CRYBA4: variants seen among roughly 807,000 people sequenced by gnomAD.
CRYBA4 encodes the protein beta-crystallin A4.
In CRYBA4, 30 loss-of-function variants were observed where a neutral mutation model predicts 31.7. The observed-to-expected ratio is 0.95, with a 90% CI of 0.71 to 1.28. CRYBA4 has a LOEUF of 1.28. CRYBA4 is among the 50% of genes most tolerant of loss of function. The pLI is 0.00. For missense variants in CRYBA4, 225 were observed against 260.7 expected, an observed-to-expected ratio of 0.86 and a Z score of 0.94; for synonymous variants, 102 against 102.3, an observed-to-expected ratio of 1.00 and a Z score of 0.02.
At chr22:26,613,009 A>G in the CRYBA4 span, among the ~76,000 whole-genome samples, 1 of 151,822 alleles carries the variant, frequency 6.6e-6, no homozygotes, top group Non-Finnish European at 1.5e-5. Flanking sequence ...CCTCTCTCCC[A>G]TTACCCAGCC....
the CRYBA4 span, chr22:26,599,340 C>T: frequency 1.4e-6 from 1 of 693,538 alleles, no homozygotes; most frequent in Non-Finnish European, 2.5e-6. Context: ...AAGTCACATC[C>T]CAGTAACTAT....
At chr22:26,616,021 G>T in the CRYBA4 span, 1 of 814,724 alleles carries the variant, frequency 1.2e-6, no homozygotes, top group Non-Finnish European at 2.1e-6. Flanking sequence ...AGAAAAAGGA[G>T]GAGAAAGAGG....
chr22:26,627,378 TTC>T (rs1282743712), intron 4 of CRYBA4, among the ~76,000 whole-genome samples: 4 of 69,386 alleles, frequency 5.8e-5, no homozygotes, highest in Admixed American at 1.7e-4. Flanking sequence ...CTTTCTTTCT[TTC>T]TTTCTTTCTT....
At chr22:26,616,103 G>A in the CRYBA4 span, 1 of 1,538,824 alleles carries the variant, frequency 6.5e-7, no homozygotes, top group Non-Finnish European at 9.0e-7. Context: ...AAGGAAAGAA[G>A]GCATGGCACC....
Position 26,623,340 on chromosome 22 carries a change from T to C in CRYBA4, c.146T>C (p.Val49Ala). The C allele has an allele frequency of 6.2e-7, 1 of 1,613,732 alleles. No individual in the cohort carries two copies. Among genetic ancestry groups the C allele is most frequent in the Non-Finnish European group, 8.5e-7 (1 of 1,179,704 alleles). The change falls in exon 3 of 6, where the codon GTG becomes GCG. Residue 49 changes from valine to alanine, a missense_variant. Physicochemically the swap from Val to Ala is moderately conservative, Grantham distance 64. Transcript: ENST00000354760. ...LGFETVRSLK[V>A]LSGAWVGFEH... ...TTCGAGACTGTGCGATCTTTGAAAG[T>C]GCTGAGTGGAGCGTGAGTCTAGGGG...
At chr22:26,625,889 C>A (rs150590400) in intron 4 of CRYBA4, among the ~76,000 whole-genome samples, 162 of 151,720 alleles carry the variant, frequency 1.1e-3, no homozygotes, top group Non-Finnish European at 2.0e-3. Flanking sequence ...TGATAGGAGC[C>A]CCTGCCAGTT....
chr22:26,619,278 CG>C (rs1220703114), upstream of CRYBA4, among the ~76,000 whole-genome samples: 2 of 152,026 alleles, frequency 1.3e-5, no homozygotes, highest in East Asian at 3.9e-4. Flanking sequence ...GAGCGAGAGA[CG>C]GAGAGACAGA....
rs771291129 is a variant in CRYBA4, at chr22:26,628,255, C to T, written c.301-33C>T. 8.1e-6 allele frequency: 13 copies of T among 1,613,550 alleles called. No individual in the cohort carries two copies. In the East Asian group the frequency reaches 2.9e-4, roughly 36 times the overall value. ...GGCTCCTGGGTTTCCAACTGGGAGC[C>T]TGCTGGTCTGACTGTGTTCCCTGTT... On this transcript the variant is annotated intron_variant, in intron 4 of 5. Transcript: ENST00000354760.
chr22:26,609,788 A>G, the CRYBA4 span, among the ~76,000 whole-genome samples: 1 of 152,200 alleles, frequency 6.6e-6, no homozygotes, highest in Non-Finnish European at 1.5e-5. Flanking sequence ...ACAGACCTGA[A>G]TTCTAATCCA....
At chr22:26,605,607 A>G in the CRYBA4 span, among the ~76,000 whole-genome samples, 1 of 146,682 alleles carries the variant, frequency 6.8e-6, no homozygotes, top group Non-Finnish European at 1.5e-5. Context: ...CAGGGAGGTG[A>G]AGGTTGCAGT....
At chr22:26,601,768 G>A in the CRYBA4 span, 1 of 1,555,072 alleles carries the variant, frequency 6.4e-7, no homozygotes, top group Non-Finnish European at 8.7e-7. Flanking sequence ...GACTGTGGAA[G>A]GGGCCATGGC....
intron 2 of CRYBA4, 124 bp from the exon 3 acceptor site, chr22:26,623,110 G>A: frequency 1.2e-6 from 1 of 822,972 alleles, no homozygotes. Flanking sequence ...TGCCTTCCTG[G>A]CTCCTGGAGG....
the CRYBA4 span, among the ~76,000 whole-genome samples, chr22:26,613,637 C>T: frequency 6.6e-6 from 1 of 152,262 alleles, no homozygotes; most frequent in East Asian, 1.9e-4. Flanking sequence ...TTAATCCTGT[C>T]AGCTGAGGAG....
At chr22:26,615,914 AG>A in the CRYBA4 span, among the ~76,000 whole-genome samples, 2 of 152,148 alleles carry the variant, frequency 1.3e-5, no homozygotes, top group South Asian at 4.1e-4. Flanking sequence ...GAGGAGGCCA[AG>A]GTGAGGGAAA....
At chr22:26,625,452 C>T in intron 3 of CRYBA4, 29 bp from the exon 4 acceptor site, 1 of 1,612,746 alleles carries the variant, frequency 6.2e-7, no homozygotes. Context: ...GGACGCTTAC[C>T]TCCTGCACAC....
the CRYBA4 span, among the ~76,000 whole-genome samples, chr22:26,591,200 G>A: frequency 6.6e-6 from 1 of 152,070 alleles, no homozygotes; most frequent in Non-Finnish European, 1.5e-5. Context: ...GTGAAACCTC[G>A]TTTCTAATAA....
chr22:26,613,653 A>G, the CRYBA4 span, among the ~76,000 whole-genome samples: 1 of 152,174 alleles, frequency 6.6e-6, no homozygotes, highest in Non-Finnish European at 1.5e-5. Flanking sequence ...AGGAGGATGT[A>G]TGTCGCCTCA....
chr22:26,614,117 C>G, the CRYBA4 span, among the ~76,000 whole-genome samples: 1 of 152,146 alleles, frequency 6.6e-6, no homozygotes, highest in African/African-American at 2.4e-5. Context: ...ACAATGGTGC[C>G]CAAAACTTCA....
At chr22:26,627,534 CCT>C (rs1569212002) in intron 4 of CRYBA4, among the ~76,000 whole-genome samples, 4 of 85,964 alleles carry the variant, frequency 4.7e-5, no homozygotes, top group Non-Finnish European at 5.0e-5. Context: ...CTCTTTCTTT[CCT>C]TTTCTTTCTT....
Sources: gnomAD v4.1 joint callset for allele counts (sites outside exome capture counted in the v4.1 genomes callset) on GRCh38, gnomAD v4.1.1 for gene constraint, MANE v1.5 for transcripts, NCBI Gene and HGNC (gene_info 2026-07-23, HGNC 2026-07-21) for gene names.